Variants in PUDP observed in about 807,000 individuals in gnomAD.
The protein encoded by PUDP is pseudouridine 5'-phosphatase.
In PUDP, 8 loss-of-function variants were observed where a neutral mutation model predicts 9.4. The observed-to-expected ratio is 0.85, with a 90% CI of 0.50 to 1.53. The LOEUF is 1.53. PUDP is among the 40% of genes most tolerant of loss of function. The pLI is 0.00. For missense variants in PUDP, 188 were observed against 189.7 expected (o/e 0.99, Z 0.05); for synonymous variants, 99 against 80.7 (o/e 1.23, Z -1.22).
chrX:7,070,485 C>A (rs762610006), intron 3 of PUDP, among the ~76,000 whole-genome samples: 5 of 111,069 alleles, frequency 4.5e-5, no homozygotes, highest in African/African-American at 1.6e-4. Flanking sequence ...TGGCTGTGCC[C>A]GTAACTCAGT....
chrX:6,906,579 G>A (rs1927770576), intron 3 of PUDP, among the ~76,000 whole-genome samples: 1 of 112,180 alleles, frequency 8.9e-6, no homozygotes. Flanking sequence ...AAACAGACAT[G>A]CTGGGCATGA....
intron 3 of PUDP, among the ~76,000 whole-genome samples, chrX:6,821,622 A>G (rs1325739585): frequency 8.9e-6 from 1 of 112,063 alleles, no homozygotes; most frequent in African/African-American, 3.2e-5. Flanking sequence ...TTAGGCAGAT[A>G]GTTAGGGTAA....
chrX:7,082,937 G>T (rs1931146854), intron 2 of PUDP, among the ~76,000 whole-genome samples: 1 of 112,534 alleles, frequency 8.9e-6, no homozygotes, highest in Non-Finnish European at 1.9e-5. Flanking sequence ...TTAGAAAAAG[G>T]GTCTTTGGAG....
At chrX:6,928,659 C>A (rs1928142270) in intron 3 of PUDP, among the ~76,000 whole-genome samples, 1 of 111,310 alleles carries the variant, frequency 9.0e-6, no homozygotes, top group Admixed American at 9.5e-5. Flanking sequence ...AAAACAGAGG[C>A]CGAGGAGGGT....
At chrX:6,987,489 C>T (rs754769890) in intron 1 of PUDP, among the ~76,000 whole-genome samples, 4 of 111,974 alleles carry the variant, frequency 3.6e-5, no homozygotes, top group Non-Finnish European at 5.6e-5. Context: ...GCAGTAATAC[C>T]TACCTTGCAG....
intron 3 of PUDP, among the ~76,000 whole-genome samples, chrX:6,788,099 TAAC>T (rs959219262): frequency 1.4e-4 from 16 of 112,233 alleles, no homozygotes; most frequent in Admixed American, 1.4e-3. Context: ...TGGTTTGACT[TAAC>T]AATTGTTCAG....
intron 3 of PUDP, among the ~76,000 whole-genome samples, chrX:6,842,656 G>C (rs1476175952): frequency 8.9e-6 from 1 of 112,409 alleles, no homozygotes; most frequent in African/African-American, 3.2e-5. Context: ...ACTTGTATTT[G>C]AACTATTACA....
At chrX:7,013,283 C>T (rs1330419668) in intron 1 of PUDP, among the ~76,000 whole-genome samples, 1 of 111,585 alleles carries the variant, frequency 9.0e-6, no homozygotes, top group African/African-American at 3.3e-5. Flanking sequence ...ACTGGTTTTC[C>T]AGGGAATAAA....
Position 7,059,531 on chromosome X carries a change from G to A in PUDP, c.511-9059C>T, listed in dbSNP as rs754513878. ...GAGACTCATGATCCGCAAGTGTGAC[G>A]GGAGGCCCCTATCGGTTTTGTGTGT... On this transcript the variant is annotated intron_variant, in intron 3 of 3. Transcript: ENST00000381077. 9.8e-5 allele frequency among the ~76,000 whole-genome samples: 11 copies of A among 111,888 alleles called. No individual in the cohort carries two copies. In the East Asian group the frequency reaches 1.4e-3, roughly 14 times the overall value.
chrX:7,033,387 G>A (rs1296982192), intron 1 of PUDP, among the ~76,000 whole-genome samples: 2 of 111,985 alleles, frequency 1.8e-5, no homozygotes, highest in African/African-American at 6.5e-5. Context: ...GAGTAATGCA[G>A]TTATGCATTT....
rs753609807 is a variant in PUDP at position 6,905,721 on chromosome X, T to C, written c.*247+71412A>G. 7.2e-5 allele frequency among the ~76,000 whole-genome samples: 8 copies of C among 111,520 alleles called. 1 individual carries two copies. In the South Asian group the frequency reaches 2.3e-3, roughly 32 times the overall value. The stretch of plus-strand genomic sequence containing the variant: ...CAAATCATATCAAATGGCACACATA[T>C]AGCGATCAGCCCAGAGACTTCGGTG... On this transcript the variant is annotated intron_variant and NMD_transcript_variant, in intron 3 of 3. Coordinates refer to the PUDP transcript ENST00000655425.
At chrX:7,002,172 A>C (rs1446490682) in intron 1 of PUDP, among the ~76,000 whole-genome samples, 1 of 112,278 alleles carries the variant, frequency 8.9e-6, no homozygotes, top group Non-Finnish European at 1.9e-5. Flanking sequence ...ACTTTGTAAA[A>C]GAGGAAACAC....
chrX:6,813,304 G>T (rs182144139), intron 3 of PUDP, among the ~76,000 whole-genome samples: 189 of 111,537 alleles, frequency 1.7e-3, no homozygotes, highest in African/African-American at 5.6e-3. Context: ...CAATACACGG[G>T]AATAGCTAAG....
chrX:7,143,009 T>C (rs1436703121), intron 1 of PUDP, among the ~76,000 whole-genome samples: 2 of 111,347 alleles, frequency 1.8e-5, no homozygotes, highest in African/African-American at 6.5e-5. Flanking sequence ...TCATTGCTGT[T>C]TTATTTTTTA....
chrX:7,024,114 T>C (rs1929672436), intron 1 of PUDP, among the ~76,000 whole-genome samples: 1 of 111,971 alleles, frequency 8.9e-6, no homozygotes, highest in South Asian at 3.7e-4. Context: ...AATTGGATTT[T>C]TGATTATGTT....
chrX:6,835,513 A>G (rs752312954), intron 3 of PUDP, among the ~76,000 whole-genome samples: 66 of 112,013 alleles, frequency 5.9e-4, no homozygotes, highest in Non-Finnish European at 9.2e-4. Context: ...ATAATATAGC[A>G]TGTCTATAAG....
chrX:6,965,309 T>A (rs1176684729), intron 3 of PUDP, among the ~76,000 whole-genome samples: 1 of 110,573 alleles, frequency 9.0e-6, no homozygotes, highest in Non-Finnish European at 1.9e-5. Flanking sequence ...AGGAGAAAAA[T>A]TTTTCATAAA....
chrX:6,751,914 A>AC (rs1163154938), intron 3 of PUDP, among the ~76,000 whole-genome samples: 1 of 109,915 alleles, frequency 9.1e-6, no homozygotes, highest in East Asian at 2.9e-4. Flanking sequence ...GCTTCTTATA[A>AC]CCCCTCTCTG....
chrX:7,147,463 C>T (rs1226759900), intron 1 of PUDP, among the ~76,000 whole-genome samples: 1 of 111,861 alleles, frequency 8.9e-6, no homozygotes, highest in Non-Finnish European at 1.9e-5. Context: ...CACTCCTCGC[C>T]AGCTGTGACA....
Sources: allele counts gnomAD v4.1 joint callset (sites outside exome capture counted in the v4.1 genomes callset), GRCh38; gene constraint gnomAD v4.1.1; transcripts MANE v1.5; gene names NCBI Gene and HGNC (gene_info 2026-07-23, HGNC 2026-07-21).